QTMAN: variants seen among roughly 807,000 people sequenced by gnomAD.
QTMAN encodes the protein tRNA-queuosine alpha-mannosyltransferase.
the QTMAN span, among the ~76,000 whole-genome samples, chr2:144,331,215 T>C: frequency 9.2e-5 from 14 of 152,298 alleles, no homozygotes; most frequent in East Asian, 2.5e-3. Context: ...AAGTCAGACC[T>C]GGAACGCACT....
At chr2:144,098,260 A>C in the QTMAN span, among the ~76,000 whole-genome samples, 1 of 152,250 alleles carries the variant, frequency 6.6e-6, no homozygotes, top group Non-Finnish European at 1.5e-5. Flanking sequence ...TACATAAGCC[A>C]CACCCAATAC....
chr2:144,321,451 G>A, the QTMAN span, among the ~76,000 whole-genome samples: 2 of 152,264 alleles, frequency 1.3e-5, no homozygotes, highest in Admixed American at 1.3e-4. Flanking sequence ...TACTATTAAT[G>A]GCACTACAGA....
At chr2:144,057,985 G>C in the QTMAN span, among the ~76,000 whole-genome samples, 2 of 151,860 alleles carry the variant, frequency 1.3e-5, no homozygotes, top group Non-Finnish European at 2.9e-5. Flanking sequence ...GGCTATATGG[G>C]AGAACTTTTC....
the QTMAN span, among the ~76,000 whole-genome samples, chr2:144,273,398 AT>A: frequency 6.6e-6 from 1 of 152,188 alleles, no homozygotes; most frequent in African/African-American, 2.4e-5. Context: ...CAAAAGGGGT[AT>A]GACAATTCCT....
chr2:144,254,388 C>T, the QTMAN span, among the ~76,000 whole-genome samples: 1 of 152,164 alleles, frequency 6.6e-6, no homozygotes, highest in Middle Eastern at 3.2e-3. Flanking sequence ...TGCCATTGCA[C>T]TCCAGCCTGG....
At chr2:144,317,958 T>C in the QTMAN span, among the ~76,000 whole-genome samples, 1 of 152,150 alleles carries the variant, frequency 6.6e-6, no homozygotes, top group Admixed American at 6.5e-5. Context: ...TATCAATCTA[T>C]ATTTATGTAT....
At chr2:144,262,106 C>A in the QTMAN span, among the ~76,000 whole-genome samples, 3 of 152,144 alleles carry the variant, frequency 2.0e-5, no homozygotes, top group Admixed American at 6.5e-5. Context: ...GAAATGGCAA[C>A]AATGATATAT....
the QTMAN span, among the ~76,000 whole-genome samples, chr2:144,073,004 A>G: frequency 6.6e-6 from 1 of 152,126 alleles, no homozygotes; most frequent in African/African-American, 2.4e-5. Flanking sequence ...GCTTAGACTC[A>G]AATGAGTAGC....
At chr2:144,141,911 G>A in the QTMAN span, 2 of 1,611,228 alleles carry the variant, frequency 1.2e-6, no homozygotes, top group African/African-American at 2.7e-5. Flanking sequence ...TGATGGGAAA[G>A]TAAATAACTT....
the QTMAN span, among the ~76,000 whole-genome samples, chr2:144,151,796 G>A: frequency 3.3e-5 from 5 of 152,114 alleles, no homozygotes; most frequent in Admixed American, 2.0e-4. Context: ...AGATAACTGA[G>A]TTCTAATATT....
the QTMAN span, among the ~76,000 whole-genome samples, chr2:143,987,161 T>C: frequency 2.0e-5 from 3 of 152,150 alleles, no homozygotes; most frequent in Admixed American, 1.3e-4. Flanking sequence ...GCACAAGAGA[T>C]GAGAGCTCTT....
chr2:144,241,771 A>G, the QTMAN span, among the ~76,000 whole-genome samples: 1 of 152,132 alleles, frequency 6.6e-6, no homozygotes. Flanking sequence ...CTAGTGTGTA[A>G]GTGTGTACAG....
the QTMAN span, among the ~76,000 whole-genome samples, chr2:143,987,391 T>C: frequency 6.6e-6 from 1 of 152,240 alleles, no homozygotes; most frequent in South Asian, 2.1e-4. Flanking sequence ...ACTATTCTCC[T>C]TTGCAACATA....
At chr2:144,331,131 T>C in the QTMAN span, among the ~76,000 whole-genome samples, 1 of 152,178 alleles carries the variant, frequency 6.6e-6, no homozygotes, top group Non-Finnish European at 1.5e-5. Flanking sequence ...CTAAAACTGT[T>C]TCATTAAATA....
the QTMAN span, among the ~76,000 whole-genome samples, chr2:144,273,729 T>C: frequency 1.9e-3 from 294 of 152,286 alleles, 1 homozygote; most frequent in Non-Finnish European, 2.1e-3. Flanking sequence ...ATTTACTGAA[T>C]TTAAATTATA....
the QTMAN span, among the ~76,000 whole-genome samples, chr2:143,976,548 C>T: frequency 6.6e-6 from 1 of 152,146 alleles, no homozygotes; most frequent in South Asian, 2.1e-4. Flanking sequence ...ACTATGCTTT[C>T]GAGGGCCACA....
chr2:144,036,605 T>G, the QTMAN span, among the ~76,000 whole-genome samples: 1 of 152,206 alleles, frequency 6.6e-6, no homozygotes, highest in Non-Finnish European at 1.5e-5. Context: ...CAATTTATTT[T>G]TTTAAAAAGA....
At chr2:144,160,852 A>C in the QTMAN span, among the ~76,000 whole-genome samples, 1 of 152,310 alleles carries the variant, frequency 6.6e-6, no homozygotes, top group East Asian at 1.9e-4. Flanking sequence ...CTGGTACGTA[A>C]AATACACAAA....
the QTMAN span, among the ~76,000 whole-genome samples, chr2:144,280,718 C>G: frequency 6.6e-6 from 1 of 151,784 alleles, no homozygotes; most frequent in Non-Finnish European, 1.5e-5. Context: ...GAGAAAAAGT[C>G]TACAAATCAA....
Sources: gnomAD v4.1 joint callset for allele counts (sites outside exome capture counted in the v4.1 genomes callset) on GRCh38, gnomAD v4.1.1 for gene constraint, MANE v1.5 for transcripts, NCBI Gene and HGNC (gene_info 2026-07-23, HGNC 2026-07-21) for gene names.